The following SEC16A variants were observed in gnomAD, a reference collection of about 807,000 sequenced individuals.
SEC16A encodes protein transport protein Sec16A.
In SEC16A, 110 loss-of-function variants were observed where a neutral mutation model predicts 221.9. That is an observed-to-expected ratio of 0.50 (90% CI 0.42 to 0.58). The LOEUF (loss-of-function observed/expected upper bound fraction) is 0.58. SEC16A is among the 20% of genes least tolerant of loss of function. The pLI is 0.00. For missense variants in SEC16A, 3,165 were observed against 3,097.8 expected (o/e 1.02, Z -0.52); for synonymous variants, 1,393 against 1,257.7 (o/e 1.11, Z -2.28).
At chr9:136,460,855 GTGAGC>G (rs1332739764) in intron 13 of SEC16A, among the ~76,000 whole-genome samples, 7 of 152,188 alleles carry the variant, frequency 4.6e-5, no homozygotes, top group Non-Finnish European at 8.8e-5. Context: ...AGGGGTTGCG[GTGAGC>G]TGAGATCGCG....
rs373511897 is a variant in SEC16A, at chr9:136,457,624, C to T, written c.5410-40G>A. ...GCCTTGCTGCCCTGCGGCTCCCCCG[C>T]GTCCGAGCATCGCCGATGGACAAAG... On this transcript the variant is annotated intron_variant, in intron 17 of 31. Transcript: ENST00000684901. The T allele has an allele frequency of 4.4e-5, 70 of 1,587,748 alleles. 1 individual carries two copies. The highest frequency in any genetic ancestry group is 3.6e-4 in the South Asian group (32 of 87,918).
upstream of SEC16A, chr9:136,483,539 G>T: frequency 1.0e-6 from 1 of 976,980 alleles, no homozygotes; most frequent in Non-Finnish European, 1.2e-6. Context: ...CCACCTGCCC[G>T]GCCAGGCGCG....
Position 136,447,335 on chromosome 9 carries a change from G to T in SEC16A, c.6589C>A (p.Leu2197Met). ...CTCCGCTGGGTCCCGCTTGGGTTCA[G>T]GACGTCAACGTAGCGAGCTCTGGTT... ...AGTRARYVDV[L>M]NPSGTQRSEP... The change falls in exon 27 of 32, where the codon CTG (leucine) becomes ATG (methionine). Residue 2197 changes from leucine (L) to methionine (M), a missense_variant. This residue lies in a region of SEC16A where 1,088 missense variants were observed against 1,089.6 expected (regional missense o/e 1.00). Transcript: ENST00000684901. The surrounding 1 kb of genome is among the most constrained non-coding windows in gnomAD (Gnocchi z 5.5). 1 of 1,598,342 alleles carries T rather than the reference G, an allele frequency of 6.3e-7. No homozygotes were observed. The highest frequency in any genetic ancestry group is 2.3e-5 in the East Asian group (1 of 44,196).
At chr9:136,446,818 C>T in intron 28 of SEC16A, 37 bp downstream of exon 28, 1 of 1,561,030 alleles carries the variant, frequency 6.4e-7, no homozygotes, top group East Asian at 2.2e-5. Context: ...TGCCTCCTCA[C>T]TGGGTACCTT....
chr9:136,443,703 A>G (rs1017542846), intron 31 of SEC16A, 120 bp downstream of exon 31: 3 of 692,120 alleles, frequency 4.3e-6, no homozygotes, highest in Non-Finnish European at 5.0e-6. Flanking sequence ...ATAAATAAAT[A>G]TATTTTTTAA....
At chr9:136,483,730 G>A, upstream of SEC16A, 1 of 985,334 alleles carries the variant, frequency 1.0e-6, no homozygotes, top group Non-Finnish European at 1.2e-6. Flanking sequence ...GCTGAGAAGC[G>A]CGGGGCCCTG....
At chr9:136,443,568 C>T (rs945848508) in intron 31 of SEC16A, among the ~76,000 whole-genome samples, 16 of 152,200 alleles carry the variant, frequency 1.1e-4, no homozygotes, top group African/African-American at 3.9e-4. Flanking sequence ...GTAGTCCCAG[C>T]TACTCAGGAG....
At chr9:136,469,488 C>A (rs1256948873) in intron 4 of SEC16A, among the ~76,000 whole-genome samples, 1 of 152,154 alleles carries the variant, frequency 6.6e-6, no homozygotes, top group African/African-American at 2.4e-5. Flanking sequence ...CACAGTGAGA[C>A]CCTGTCTCCA....
chr9:136,443,181 A>T (rs1042892160), intron 31 of SEC16A, among the ~76,000 whole-genome samples: 2 of 152,206 alleles, frequency 1.3e-5, no homozygotes, highest in African/African-American at 2.4e-5. Flanking sequence ...ACAAACTACA[A>T]CCTAGGAAAA....
chr9:136,483,066 C>A (rs1842620919), upstream of SEC16A: 2 of 974,202 alleles, frequency 2.1e-6, no homozygotes, highest in Middle Eastern at 5.3e-4. Flanking sequence ...GGCCGCCGCG[C>A]CGCCGACGTG....
intron 24 of SEC16A, 38 bp downstream of exon 24, chr9:136,448,046 A>G (rs1837247714): frequency 1.3e-6 from 2 of 1,584,662 alleles, no homozygotes; most frequent in African/African-American, 2.7e-5. Flanking sequence ...AATCATTACA[A>G]TTCTTCGGAC....
chr9:136,444,707 C>T (rs1174843711), intron 30 of SEC16A, among the ~76,000 whole-genome samples: 2 of 151,892 alleles, frequency 1.3e-5, no homozygotes, highest in Non-Finnish European at 2.9e-5. Context: ...GGAGAAACCC[C>T]GTCTCTACTA....
chr9:136,459,164 A>G lies in SEC16A; in HGVS notation c.5379T>C (p.Gly1793=). Residue 1793 remains glycine, a synonymous_variant, in exon 17 of 32, where the codon GGT becomes GGC. Coordinates refer to ENST00000684901, the MANE Select transcript of SEC16A (RefSeq NM_014866.2). The surrounding 1 kb of genome is among the most constrained non-coding windows in gnomAD (Gnocchi z 6.1). ...TEAYEYAQSL[G]AETCPLPSFQ... is the part of the protein sequence containing the mutation. ...AACTAGGCAGGGGGCAGGTCTCGGC[A>G]CCCAGGGACTGGGCGTACTCATAGG... The G allele has an allele frequency of 6.2e-7, 1 of 1,612,296 alleles. No homozygotes were observed. The highest frequency in any genetic ancestry group is 1.1e-5 in the South Asian group (1 of 90,870).
chr9:136,468,815 T>C (rs961909633), intron 4 of SEC16A, among the ~76,000 whole-genome samples: 2 of 152,194 alleles, frequency 1.3e-5, no homozygotes, highest in African/African-American at 4.8e-5. Context: ...CCTAGAATTT[T>C]TGATATTATG....
intron 23 of SEC16A, among the ~76,000 whole-genome samples, chr9:136,450,848 T>C (rs1588891086): frequency 6.6e-6 from 1 of 152,250 alleles, no homozygotes; most frequent in African/African-American, 2.4e-5. Context: ...CGCCAATAGA[T>C]AGGCAAGGAG....
In SEC16A at chr9:136,477,550, C is replaced by G. The variant is rs1302491206; in HGVS notation, c.66G>C (p.Arg22=). The G allele has an allele frequency of 1.2e-6, 2 of 1,613,100 alleles. No individual in the cohort carries two copies. Among genetic ancestry groups the G allele is most frequent in the Non-Finnish European group, 1.7e-6 (2 of 1,179,772 alleles). The change falls in exon 3 of 32, where the codon CGG becomes CGC. Residue 22 remains arginine, a synonymous_variant. Transcript: ENST00000684901. ...AAGGGCTGCTAGCCCAGAACACGCT[C>G]CGAGGATTCCCGGCTGGAGGTGGCC... ...MAGPPPAGNP[R]SVFWASSPYR... is the part of the protein sequence containing the mutation.
chr9:136,461,131 G>A (rs1839421949), intron 13 of SEC16A, 46 bp downstream of exon 13: 2 of 1,477,390 alleles, frequency 1.4e-6, no homozygotes, highest in Admixed American at 3.8e-5. Context: ...GTGCTACAGG[G>A]AGCCAGCAGG....
intron 9 of SEC16A, 132 bp from the exon 10 acceptor site, chr9:136,463,872 G>A: frequency 1.1e-6 from 1 of 899,102 alleles, no homozygotes; most frequent in Admixed American, 1.9e-5. Context: ...CCCCACAGCA[G>A]GTGAAGGCTC....
At chr9:136,450,018 A>G (rs1216652931) in intron 23 of SEC16A, among the ~76,000 whole-genome samples, 2 of 152,154 alleles carry the variant, frequency 1.3e-5, no homozygotes, top group East Asian at 1.9e-4. Flanking sequence ...AGCCTGGCCA[A>G]CATGGTGAAA....
Sources: gnomAD v4.1 joint callset for allele counts (sites outside exome capture counted in the v4.1 genomes callset) on GRCh38, gnomAD v4.1.1 for gene constraint, gnomAD v4.1.1 regional missense constraint, Gnocchi (gnomAD v3.1) non-coding constraint, MANE v1.5 for transcripts, NCBI Gene and HGNC (gene_info 2026-07-23, HGNC 2026-07-21) for gene names.